The following SPIDR variants were observed in gnomAD, a reference collection of about 807,000 sequenced individuals.
The protein encoded by SPIDR is scaffold protein involved in DNA repair.
Under a neutral mutation model 104.6 loss-of-function variants are expected in SPIDR, and 93 were observed. That is an observed-to-expected ratio of 0.89 (90% CI 0.75 to 1.06). The LOEUF (loss-of-function observed/expected upper bound fraction) is 1.06, where lower values mean the gene tolerates loss of function less well. Among genes scored for constraint, SPIDR ranks in the 50% least tolerant of loss-of-function variants. The pLI is 0.00. For synonymous variants in SPIDR, 431 were observed against 416.9 expected, an observed-to-expected ratio of 1.03 and a Z score of -0.41; for missense variants, 1,154 against 1,111.2, an observed-to-expected ratio of 1.04 and a Z score of -0.55.
At chr8:47,704,371 A>C (rs2080769572) in intron 14 of SPIDR, among the ~76,000 whole-genome samples, 2 of 152,228 alleles carry the variant, frequency 1.3e-5, no homozygotes, top group South Asian at 4.1e-4. Flanking sequence ...GGAGAAGACC[A>C]AGGCTAGGCC....
intron 8 of SPIDR, among the ~76,000 whole-genome samples, chr8:47,525,847 A>G (rs1162830780): frequency 6.6e-6 from 1 of 151,568 alleles, no homozygotes; most frequent in Non-Finnish European, 1.5e-5. Context: ...GTGCCTACTG[A>G]GTTGTCCTGA....
chr8:47,278,489 C>G (rs1484315642), intron 1 of SPIDR, among the ~76,000 whole-genome samples: 1 of 151,560 alleles, frequency 6.6e-6, no homozygotes, highest in Non-Finnish European at 1.5e-5. Context: ...CTGGCTAATT[C>G]TAAAAAAAAT....
chr8:47,481,947 C>T (rs564123761), intron 8 of SPIDR, among the ~76,000 whole-genome samples: 3 of 152,284 alleles, frequency 2.0e-5, no homozygotes, highest in African/African-American at 7.2e-5. Context: ...TTAATGTAGA[C>T]TAAAGCCAAC....
chr8:47,326,056 A>G (rs1301533471), intron 5 of SPIDR, among the ~76,000 whole-genome samples: 2 of 151,838 alleles, frequency 1.3e-5, no homozygotes, highest in African/African-American at 4.8e-5. Flanking sequence ...CAGTGGTGTG[A>G]TCTCACAGCT....
chr8:47,673,901 C>G lies in SPIDR; in HGVS notation c.1645C>G (p.Leu549Val), dbSNP rs762683983. ...ARQLEGKSCS[L>V]VGMKVLQKVT... ...ACAGTTGGAAGGGAAGTCTTGCAGC[C>G]TGGTGGGAATGAAGGTTCTACAGAA... is the stretch of plus-strand genomic sequence containing the variant. Residue 549 changes from leucine to valine, a missense_variant, in exon 11 of 20, where the codon CTG becomes GTG. Leu to Val is a conservative substitution (Grantham distance 32). Coordinates refer to ENST00000297423, the MANE Select transcript of SPIDR (RefSeq NM_001080394.4). 3 of 1,614,002 alleles carry G rather than the reference C, an allele frequency of 1.9e-6. No homozygotes were observed. The highest frequency in any genetic ancestry group is 2.7e-5 in the African/African-American group (2 of 74,920).
chr8:47,653,918 C>A, intron 10 of SPIDR: 1 of 939,480 alleles, frequency 1.1e-6, no homozygotes, highest in Non-Finnish European at 1.3e-6. Context: ...ATTGTTTACA[C>A]TATGGGAATA....
In SPIDR at chr8:47,735,575, CTT is replaced by C. The variant is rs1212901744; in HGVS notation, c.*126_*127del. 20 of 1,528,576 alleles carry C rather than the reference CTT, an allele frequency of 1.3e-5. No individual in the cohort carries two copies. The East Asian group carries it at 3.4e-4, about 26-fold the overall frequency. The allele number at this position is 1,528,576 out of a possible 1,614,324, so 94.7% of individuals were successfully genotyped here. A position where few individuals can be genotyped will look rare whatever the true frequency, so the allele number is the denominator to read the frequency against. ...CGTAGTTTACGATCTTGAAATGAAA[CTT>C]AGATTTTTCTGGGGAAATGTTCAGA... On this transcript the variant is annotated 3_prime_UTR_variant, in exon 20 of 20. Coordinates refer to ENST00000297423, the MANE Select transcript of SPIDR (RefSeq NM_001080394.4).
chr8:47,615,367 C>T (rs772102712), intron 10 of SPIDR, among the ~76,000 whole-genome samples: 2 of 151,894 alleles, frequency 1.3e-5, no homozygotes, highest in African/African-American at 4.8e-5. Flanking sequence ...CAGTTTTAGC[C>T]TGTGTATGCA....
At chr8:47,272,248 T>C (rs930988318) in intron 1 of SPIDR, among the ~76,000 whole-genome samples, 1 of 152,220 alleles carries the variant, frequency 6.6e-6, no homozygotes, top group East Asian at 1.9e-4. Context: ...GTTATAGGCA[T>C]GAGCCACGTC....
chr8:47,467,047 A>G (rs1554717873), intron 8 of SPIDR, among the ~76,000 whole-genome samples: 1 of 151,676 alleles, frequency 6.6e-6, no homozygotes, highest in Non-Finnish European at 1.5e-5. Context: ...CACTGACCCC[A>G]CAGAAATACA....
chr8:47,268,468 A>G (rs1268622628), intron 1 of SPIDR, among the ~76,000 whole-genome samples: 1 of 152,198 alleles, frequency 6.6e-6, no homozygotes, highest in Non-Finnish European at 1.5e-5. Flanking sequence ...CTTTTCATTT[A>G]TTTAGATCTT....
At chr8:47,541,349 T>C (rs1230760440) in intron 8 of SPIDR, among the ~76,000 whole-genome samples, 1 of 152,244 alleles carries the variant, frequency 6.6e-6, no homozygotes, top group Admixed American at 6.5e-5. Context: ...AGCCTGGGTC[T>C]TTCTGACTCA....
At chr8:47,611,542 C>CA (rs1264471842) in intron 10 of SPIDR, among the ~76,000 whole-genome samples, 2 of 151,724 alleles carry the variant, frequency 1.3e-5, no homozygotes, top group Admixed American at 6.6e-5. Flanking sequence ...ACTAAAAATA[C>CA]AAAAAATTAG....
At chr8:47,576,110 A>AT (rs1017617109) in intron 8 of SPIDR, among the ~76,000 whole-genome samples, 1 of 151,378 alleles carries the variant, frequency 6.6e-6, no homozygotes, top group Non-Finnish European at 1.5e-5. Context: ...AATAATAAAC[A>AT]TTTTTTTGAC....
At chr8:47,487,545 A>G (rs1389764092) in intron 8 of SPIDR, among the ~76,000 whole-genome samples, 4 of 152,210 alleles carry the variant, frequency 2.6e-5, no homozygotes, top group Non-Finnish European at 4.4e-5. Context: ...AAATCAACAG[A>G]ATATACATTC....
At chr8:47,371,113 G>A (rs2057959248) in intron 5 of SPIDR, among the ~76,000 whole-genome samples, 1 of 148,410 alleles carries the variant, frequency 6.7e-6, no homozygotes. Flanking sequence ...GTGCCTCCTT[G>A]GATAACACAA....
intron 8 of SPIDR, among the ~76,000 whole-genome samples, chr8:47,479,186 C>G (rs1438701819): frequency 6.6e-6 from 1 of 151,922 alleles, no homozygotes; most frequent in Non-Finnish European, 1.5e-5. Flanking sequence ...TGGTAAAACC[C>G]TGTCTCTACT....
intron 11 of SPIDR, among the ~76,000 whole-genome samples, chr8:47,690,269 G>A: frequency 6.6e-6 from 1 of 151,646 alleles, no homozygotes; most frequent in East Asian, 1.9e-4. Context: ...TTGAGAGAGT[G>A]TGTGGGGGGG....
intron 3 of SPIDR, among the ~76,000 whole-genome samples, chr8:47,290,143 G>A (rs1034274259): frequency 4.6e-5 from 7 of 152,162 alleles, no homozygotes; most frequent in South Asian, 2.1e-4. Context: ...GGGTTCAAGC[G>A]ATTCTCCTGC....
Sources: allele counts gnomAD v4.1 joint callset (sites outside exome capture counted in the v4.1 genomes callset), GRCh38; gene constraint gnomAD v4.1.1; transcripts MANE v1.5; gene names NCBI Gene and HGNC (gene_info 2026-07-23, HGNC 2026-07-21).